UTRN: variants seen among roughly 807,000 people sequenced by gnomAD.
UTRN encodes the protein dystrophin-related protein 1.
Under a neutral mutation model 463.9 loss-of-function variants are expected in UTRN, and 283 were observed. The ratio of observed to expected loss-of-function variants is 0.61; its 90% CI spans 0.55 to 0.67. The LOEUF (loss-of-function observed/expected upper bound fraction) is 0.67, where lower values mean the gene tolerates loss of function less well. UTRN is among the 30% of genes least tolerant of loss of function. The pLI, the probability that UTRN is intolerant of heterozygous loss-of-function variation, is 0.00. For synonymous variants in UTRN, 1,442 were observed against 1,431.5 expected (o/e 1.01, Z -0.17); for missense variants, 3,922 against 4,084.3 (o/e 0.96, Z 1.08).
At chr6:144,427,891 G>A (rs1430363422) in intron 7 of UTRN, among the ~76,000 whole-genome samples, 1 of 152,188 alleles carries the variant, frequency 6.6e-6, no homozygotes, top group Non-Finnish European at 1.5e-5. Context: ...AGGGAGACAA[G>A]ACAATAATAA....
At chr6:144,647,233 A>T (rs1444190304) in intron 51 of UTRN, among the ~76,000 whole-genome samples, 2 of 152,204 alleles carry the variant, frequency 1.3e-5, no homozygotes, top group East Asian at 3.8e-4. Context: ...TTAGATCCTT[A>T]AAGCCCATAG....
At chr6:144,785,416 G>A (rs934368683) in intron 61 of UTRN, among the ~76,000 whole-genome samples, 2 of 152,090 alleles carry the variant, frequency 1.3e-5, no homozygotes, top group South Asian at 4.1e-4. Flanking sequence ...AACCTTGCCC[G>A]TTGAGACAGG....
chr6:144,758,590 G>A (rs1792270975), intron 58 of UTRN, among the ~76,000 whole-genome samples: 2 of 152,018 alleles, frequency 1.3e-5, no homozygotes, highest in African/African-American at 4.8e-5. Context: ...TCTCCTTCTT[G>A]CATACTGTTT....
chr6:144,576,020 C>T (rs1308358768), intron 50 of UTRN, among the ~76,000 whole-genome samples: 1 of 152,114 alleles, frequency 6.6e-6, no homozygotes, highest in Non-Finnish European at 1.5e-5. Flanking sequence ...ATATCTGGCC[C>T]TTTGTGTTTA....
chr6:144,817,039 A>AT (rs1779151312), intron 65 of UTRN, among the ~76,000 whole-genome samples: 1 of 152,074 alleles, frequency 6.6e-6, no homozygotes. Context: ...AAACAGTTCC[A>AT]TTTTTCTAGA....
rs572021571 is a variant in UTRN at position 144,539,659 on chromosome 6, T to C, written c.6519+216T>C. On this transcript the variant is annotated intron_variant, in intron 45 of 74. Coordinates refer to ENST00000367545, the MANE Select transcript of UTRN (RefSeq NM_007124.3). The stretch of plus-strand genomic sequence containing the variant: ...ACAGAACTCTTTGGCCTAGGGGATT[T>C]ATACATTATATACTACATTAAATAA... 1.6e-4 allele frequency among the ~76,000 whole-genome samples: 25 copies of C among 152,334 alleles called. 1 individual carries two copies. In the South Asian group the frequency reaches 3.1e-3, roughly 19 times the overall value.
chr6:144,324,935 C>A (rs1386925594), intron 2 of UTRN, among the ~76,000 whole-genome samples: 2 of 152,296 alleles, frequency 1.3e-5, no homozygotes, highest in African/African-American at 4.8e-5. Context: ...AAGTTTGAAG[C>A]TGAAAACTGA....
intron 74 of UTRN, among the ~76,000 whole-genome samples, chr6:144,848,204 G>A (rs1396984403): frequency 3.9e-5 from 6 of 152,132 alleles, no homozygotes; most frequent in Non-Finnish European, 8.8e-5. Flanking sequence ...TAGCTTCTTG[G>A]AGAATAGAAG....
At position 144,719,952 on chromosome 6, in the gene UTRN, A is replaced by G. The variant is rs996978868; in HGVS notation, c.7810-10405A>G. The stretch of plus-strand genomic sequence containing the variant: ...GAAGAAAGGTTAGGAAAGAGTTGCT[A>G]TTTAAAGAAGGGGGGTGACCCCAGG... On this transcript the variant is annotated intron_variant, in intron 53 of 74. Coordinates refer to ENST00000367545, the MANE Select transcript of UTRN (RefSeq NM_007124.3). 2.0e-5 allele frequency among the ~76,000 whole-genome samples: 3 copies of G among 152,370 alleles called. No homozygotes were observed. In the East Asian group the frequency reaches 5.8e-4, roughly 29 times the overall value.
intron 39 of UTRN, 27 bp from the exon 40 acceptor site, chr6:144,521,953 A>G (rs182507639): frequency 9.7e-7 from 1 of 1,035,924 alleles, no homozygotes; most frequent in Non-Finnish European, 1.3e-6. Context: ...ATATATATAT[A>G]TATTTTTTTT....
At chr6:144,399,803 G>A (rs1214534768) in intron 2 of UTRN, among the ~76,000 whole-genome samples, 4 of 152,136 alleles carry the variant, frequency 2.6e-5, no homozygotes, top group Admixed American at 2.6e-4. Context: ...CATTTGAGCT[G>A]GTGAAGTGAA....
At chr6:144,766,131 A>G (rs1562880812) in intron 58 of UTRN, among the ~76,000 whole-genome samples, 1 of 151,882 alleles carries the variant, frequency 6.6e-6, no homozygotes, top group Non-Finnish European at 1.5e-5. Flanking sequence ...ACCCACACCC[A>G]CACCCACACA....
intron 36 of UTRN, 122 bp downstream of exon 36, chr6:144,514,159 T>C: frequency 7.5e-7 from 1 of 1,332,408 alleles, no homozygotes; most frequent in Middle Eastern, 1.9e-4. Context: ...TTCATTAACA[T>C]TTATTTTGAT....
At chr6:144,800,890 C>A (rs1200803202) in intron 64 of UTRN, among the ~76,000 whole-genome samples, 4 of 152,102 alleles carry the variant, frequency 2.6e-5, no homozygotes, top group Admixed American at 2.6e-4. Flanking sequence ...GAACAGGATT[C>A]TTCAGAGAAA....
intron 9 of UTRN, among the ~76,000 whole-genome samples, chr6:144,430,001 A>G (rs1785653649): frequency 6.6e-6 from 1 of 152,200 alleles, no homozygotes; most frequent in Admixed American, 6.5e-5. Context: ...ATGCTGCTGC[A>G]TGACATGCTG....
At chr6:144,545,247 T>C (rs1402575709) in intron 46 of UTRN, among the ~76,000 whole-genome samples, 1 of 152,232 alleles carries the variant, frequency 6.6e-6, no homozygotes, top group Non-Finnish European at 1.5e-5. Flanking sequence ...GATTTTATTC[T>C]TGCCTCAGTA....
At chr6:144,466,844 T>C (rs1790009308) in intron 23 of UTRN, among the ~76,000 whole-genome samples, 2 of 152,202 alleles carry the variant, frequency 1.3e-5, no homozygotes, top group South Asian at 4.1e-4. Context: ...CACACAAAAC[T>C]GTCTTCTATT....
intron 55 of UTRN, 50 bp from the exon 56 acceptor site, chr6:144,751,756 C>G: frequency 6.6e-7 from 1 of 1,520,790 alleles, no homozygotes; most frequent in Non-Finnish European, 8.9e-7. Context: ...ACTGTATTAG[C>G]TTTTGTTATA....
At chr6:144,508,449 A>G (rs144362235) in intron 34 of UTRN, among the ~76,000 whole-genome samples, 3 of 152,212 alleles carry the variant, frequency 2.0e-5, no homozygotes, top group Admixed American at 6.5e-5. Flanking sequence ...TCTTGGCTGG[A>G]TAGCACCGTA....
Sources: allele counts gnomAD v4.1 joint callset (sites outside exome capture counted in the v4.1 genomes callset), GRCh38; gene constraint gnomAD v4.1.1; transcripts MANE v1.5; gene names NCBI Gene and HGNC (gene_info 2026-07-23, HGNC 2026-07-21).